Variants in QRICH1 observed in about 807,000 individuals in gnomAD.
The protein encoded by QRICH1 is glutamine rich 1, also known as transcriptional regulator QRICH1.
In QRICH1, 16 loss-of-function variants were observed where a neutral mutation model predicts 87.1. The observed-to-expected ratio is 0.18, with a 90% confidence interval of 0.12 to 0.28. The LOEUF is 0.28. Ranked by LOEUF, QRICH1 falls within the 10% of genes least tolerant of loss-of-function variation. QRICH1 has a pLI of 1.00. For synonymous variants in QRICH1, 367 were observed against 368.4 expected (o/e 1.00, Z 0.05); for missense variants, 647 against 951.7 (o/e 0.68, Z 4.21).
intron 3 of QRICH1, among the ~76,000 whole-genome samples, chr3:49,052,890 G>C (rs1420208759): frequency 6.6e-6 from 1 of 152,166 alleles, no homozygotes; most frequent in Non-Finnish European, 1.5e-5. Flanking sequence ...AGAAGTATCA[G>C]TACATACTTC....
intron 3 of QRICH1, among the ~76,000 whole-genome samples, chr3:49,055,843 T>C (rs1337574985): frequency 1.3e-5 from 2 of 152,056 alleles, no homozygotes; most frequent in Non-Finnish European, 2.9e-5. Context: ...CACACCCGGC[T>C]AATTTTTGTA....
At chr3:49,058,099 C>T in intron 2 of QRICH1, 1 of 831,262 alleles carries the variant, frequency 1.2e-6, no homozygotes, top group South Asian at 1.9e-5. Context: ...ATATATCCAC[C>T]CCAGAGAGCA....
intron 9 of QRICH1, among the ~76,000 whole-genome samples, chr3:49,031,145 C>A: frequency 6.6e-6 from 1 of 152,042 alleles, no homozygotes; most frequent in Non-Finnish European, 1.5e-5. Flanking sequence ...AGCCACCAAG[C>A]CCAGCTAATT....
At chr3:49,066,688 G>C (rs933588620) in intron 2 of QRICH1, among the ~76,000 whole-genome samples, 3 of 152,032 alleles carry the variant, frequency 2.0e-5, no homozygotes, top group Non-Finnish European at 4.4e-5. Flanking sequence ...ACTGCACCCA[G>C]ATGATTTTTC....
At chr3:49,066,303 A>G (rs1242015853) in intron 2 of QRICH1, among the ~76,000 whole-genome samples, 2 of 151,970 alleles carry the variant, frequency 1.3e-5, no homozygotes, top group Non-Finnish European at 2.9e-5. Context: ...AAATAAGGGT[A>G]AGGAAAAAAA....
chr3:49,055,992 T>A (rs1022061554), intron 3 of QRICH1, among the ~76,000 whole-genome samples: 10 of 151,260 alleles, frequency 6.6e-5, no homozygotes, highest in Non-Finnish European at 7.4e-5. Context: ...ACTTTTTTCT[T>A]TTGACAGAGT....
Position 49,085,758 on chromosome 3 carries a change from C to CA in QRICH1, c.-22+8153dup, listed in dbSNP as rs1160204334. On this transcript the variant is annotated intron_variant, in intron 1 of 9. Transcript: ENST00000395443. ...GGGCAACAAGGGCAAAACTCCATCT[C>CA]AAAAAAAAAAAAAAGAAAAAGAAAC... Among the ~76,000 whole-genome samples, 298 of 78,234 alleles carry CA rather than the reference C, an allele frequency of 3.8e-3. 1 individual carries two copies. Among genetic ancestry groups the CA allele is most frequent in the South Asian group, 9.6e-3 (22 of 2,290 alleles). 51.3% of individuals were successfully genotyped at this position (78,234 alleles called of 152,430 possible).
chr3:49,085,037 G>C (rs551560743), intron 1 of QRICH1, among the ~76,000 whole-genome samples: 146 of 150,758 alleles, frequency 9.7e-4, no homozygotes, highest in Non-Finnish European at 1.8e-3. Flanking sequence ...CAGCTACTCG[G>C]GAGGCTGAGG....
intron 6 of QRICH1, among the ~76,000 whole-genome samples, chr3:49,039,519 G>A (rs1243388784): frequency 6.7e-6 from 1 of 149,990 alleles, no homozygotes; most frequent in Non-Finnish European, 1.5e-5. Context: ...CAGCTACTCG[G>A]AGGCTGAGGC....
intron 2 of QRICH1, among the ~76,000 whole-genome samples, chr3:49,073,186 A>G (rs2041878549): frequency 6.6e-6 from 1 of 152,218 alleles, no homozygotes; most frequent in African/African-American, 2.4e-5. Flanking sequence ...AAATTAAACC[A>G]TAATAGACAA....
chr3:49,043,261 C>T (rs2093320849), intron 6 of QRICH1, among the ~76,000 whole-genome samples: 1 of 151,690 alleles, frequency 6.6e-6, no homozygotes, highest in African/African-American at 2.4e-5. Flanking sequence ...TTTGGGAGGC[C>T]GAGGTGGGCG....
intron 1 of QRICH1, among the ~76,000 whole-genome samples, chr3:49,090,097 G>A (rs891409713): frequency 1.5e-4 from 23 of 152,290 alleles, no homozygotes; most frequent in Admixed American, 5.2e-4. Context: ...GGCAGACCAC[G>A]AGGTCAGGAG....
chr3:49,039,711 G>T (rs2093298725), intron 6 of QRICH1, among the ~76,000 whole-genome samples: 2 of 149,876 alleles, frequency 1.3e-5, no homozygotes, highest in Non-Finnish European at 3.0e-5. Context: ...GTATACATAA[G>T]GTTTAAAATG....
chr3:49,050,520 G>A (rs920155978), intron 3 of QRICH1, among the ~76,000 whole-genome samples: 12 of 150,196 alleles, frequency 8.0e-5, no homozygotes, highest in African/African-American at 2.7e-4. Context: ...CCCTAGTTTC[G>A]CTCACTCACT....
At chr3:49,059,671 C>G (rs2093423810) in intron 2 of QRICH1, among the ~76,000 whole-genome samples, 1 of 151,470 alleles carries the variant, frequency 6.6e-6, no homozygotes, top group African/African-American at 2.4e-5. Flanking sequence ...ATCCGCTCAC[C>G]TTGGCCTCCC....
At chr3:49,049,690 G>GTT (rs1168444064) in intron 3 of QRICH1, among the ~76,000 whole-genome samples, 1 of 151,362 alleles carries the variant, frequency 6.6e-6, no homozygotes, top group Non-Finnish European at 1.5e-5. Flanking sequence ...TAGAGACGGG[G>GTT]TTTCACCATG....
At chr3:49,031,207 C>T (rs756241685) in intron 9 of QRICH1, among the ~76,000 whole-genome samples, 1 of 152,018 alleles carries the variant, frequency 6.6e-6, no homozygotes, top group Non-Finnish European at 1.5e-5. Flanking sequence ...AGGCTGGTCT[C>T]GAACTCCTGA....
intron 3 of QRICH1, among the ~76,000 whole-genome samples, chr3:49,048,424 C>T (rs569706596): frequency 7.3e-5 from 11 of 150,142 alleles, no homozygotes; most frequent in Non-Finnish European, 1.2e-4. Context: ...GGCCATCGGC[C>T]GAGAGCACTG....
At chr3:49,093,769 A>C in intron 1 of QRICH1, 143 bp downstream of exon 1, 6 of 311,752 alleles carry the variant, frequency 1.9e-5, no homozygotes, top group East Asian at 5.1e-5. Flanking sequence ...TAGCCCAGGA[A>C]CGTTTTCGGC....
Sources: allele counts gnomAD v4.1 joint callset (sites outside exome capture counted in the v4.1 genomes callset), GRCh38; gene constraint gnomAD v4.1.1; transcripts MANE v1.5; gene names NCBI Gene and HGNC (gene_info 2026-07-23, HGNC 2026-07-21).